Variants in FYCO1 observed in about 807,000 individuals in gnomAD.
FYCO1 encodes FYVE and coiled-coil domain-containing protein 1.
FYCO1 carries 122 observed loss-of-function variants against 165.1 expected under a neutral mutation model. The observed-to-expected ratio is 0.74, with a 90% CI of 0.64 to 0.86. The LOEUF (loss-of-function observed/expected upper bound fraction) is 0.86, where lower values mean the gene tolerates loss of function less well. Ranked by LOEUF, FYCO1 falls within the 40% of genes least tolerant of loss-of-function variation. FYCO1 has a pLI of 0.00. For synonymous variants in FYCO1, 648 were observed against 742.5 expected (o/e 0.87, Z 2.07); for missense variants, 1,702 against 1,810.3 (o/e 0.94, Z 1.09).
chr3:45,966,723 G>T lies in FYCO1; in HGVS notation c.2611C>A (p.Arg871=). The T allele has an allele frequency of 6.2e-7, 1 of 1,612,246 alleles. No individual in the cohort carries two copies. ...TGGGACAGCTCCTCCTGCAGGGCCC[G>T]CAGCTCCTCCTCCCTCTGCTGGGCC... ...DEAQQREEEL[R]ALQEELSQAK... is the part of the protein sequence containing the mutation. Residue 871 remains arginine, a synonymous_variant, in exon 8 of 18, where the codon CGG becomes AGG. Coordinates refer to ENST00000296137, the MANE Select transcript of FYCO1 (RefSeq NM_024513.4).
intron 1 of FYCO1, among the ~76,000 whole-genome samples, chr3:45,988,906 C>G (rs1314548370): frequency 6.6e-6 from 1 of 152,080 alleles, no homozygotes; most frequent in African/African-American, 2.4e-5. Context: ...GCCCAGATGC[C>G]CTAAATGCCT....
rs1705781188 is a variant in FYCO1, at chr3:45,962,802, C to A, written c.3270-410G>T. ...CTGGAGGTGGCCACACAGAGGAGGGCCTGTCTTCCACACGTCCTTGGGACT... is the reference window on the plus strand; with the variant it reads ...CTGGAGGTGGCCACACAGAGGAGGGACTGTCTTCCACACGTCCTTGGGACT... On this transcript the variant is annotated intron_variant, in intron 10 of 17. Coordinates refer to ENST00000296137, the MANE Select transcript of FYCO1 (RefSeq NM_024513.4). This position sits in a 1 kb window ranked among gnomAD's most constrained non-coding sequence, Gnocchi z 4.4. Among the ~76,000 whole-genome samples the A allele has an allele frequency of 6.6e-6, 1 of 152,046 alleles. No individual in the cohort carries two copies. The highest frequency in any genetic ancestry group is 1.5e-5 in the Non-Finnish European group (1 of 68,000).
At chr3:45,983,154 T>A (rs1707137040) in intron 2 of FYCO1, among the ~76,000 whole-genome samples, 1 of 152,224 alleles carries the variant, frequency 6.6e-6, no homozygotes, top group South Asian at 2.1e-4. Context: ...AGGAAGCAAC[T>A]GTGCGTTGGA....
chr3:45,963,987 T>C (rs902165241), intron 10 of FYCO1, among the ~76,000 whole-genome samples: 2 of 152,196 alleles, frequency 1.3e-5, no homozygotes, highest in Non-Finnish European at 1.5e-5. Flanking sequence ...GTCGGCCACG[T>C]TTTCAGCATT....
chr3:45,958,669 T>C, intron 12 of FYCO1, 50 bp from the exon 13 acceptor site: 5 of 1,577,338 alleles, frequency 3.2e-6, no homozygotes, highest in Non-Finnish European at 4.4e-6. Context: ...TATGATCTTG[T>C]GTGATCTGCT....
At chr3:45,959,288 C>T (rs1391066987) in intron 12 of FYCO1, 105 bp downstream of exon 12, 2 of 1,257,880 alleles carry the variant, frequency 1.6e-6, no homozygotes, top group African/African-American at 1.5e-5. Context: ...CCTAAATAGT[C>T]AGCCATGGTG....
At chr3:45,937,740 C>T (rs569349578) in intron 14 of FYCO1, among the ~76,000 whole-genome samples, 2 of 152,376 alleles carry the variant, frequency 1.3e-5, no homozygotes, top group South Asian at 4.1e-4. Context: ...CCACCAGGGG[C>T]ATGTCTTGTC....
rs886578319 is a variant in FYCO1, at chr3:45,918,916, G to C, written c.*2849C>G. 3.9e-5 allele frequency: 6 copies of C among 152,324 alleles called. No homozygotes were observed. Among genetic ancestry groups the C allele is most frequent in the Middle Eastern group, 3.4e-3 (1 of 294 alleles). 9.4% of individuals were successfully genotyped at this position (152,324 alleles called of 1,614,324 possible). A position where few individuals can be genotyped will look rare whatever the true frequency, so the allele number is the denominator to read the frequency against. ...GAGGACAACACTTTGTGCCAAACGT[G>C]CCTCCTTGTTTGTGGGTAAGTGAAT... On this transcript the variant is annotated 3_prime_UTR_variant, in exon 18 of 18. Transcript: ENST00000296137.
rs140655281 is a variant in FYCO1, at chr3:45,981,795, A to T, written c.56-119T>A. ...CAGTGATACAAAGCACCTCTGAAACATAAAAGGGTATGTAAGTATCCATGA... is the reference window on the plus strand; with the variant it reads ...CAGTGATACAAAGCACCTCTGAAACTTAAAAGGGTATGTAAGTATCCATGA... On this transcript the variant is annotated intron_variant, in intron 2 of 17. Transcript: ENST00000296137. The T allele has an allele frequency of 2.9e-5, 21 of 731,174 alleles. No individual in the cohort carries two copies. The East Asian group carries it at 5.0e-4, about 17-fold the overall frequency. The allele number at this position is 731,174 out of a possible 1,614,324, so 45.3% of individuals were successfully genotyped here. A position where few individuals can be genotyped will look rare whatever the true frequency, so the allele number is the denominator to read the frequency against.
In FYCO1 at chr3:45,964,142, C is replaced by T. The variant is rs886656586; in HGVS notation, c.3269+194G>A. The stretch of plus-strand genomic sequence containing the variant: ...TGAGTTAGGAGAAAGGTGCTTTAGC[C>T]GTGTATAGGTTGTGATGGGCAGGCA... On this transcript the variant is annotated intron_variant, in intron 10 of 17. Transcript: ENST00000296137. This position sits in a 1 kb window ranked among gnomAD's most constrained non-coding sequence, Gnocchi z 4.1. 1.3e-5 allele frequency among the ~76,000 whole-genome samples: 2 copies of T among 152,036 alleles called. No individual in the cohort carries two copies. The highest frequency in any genetic ancestry group is 6.5e-5 in the Admixed American group (1 of 15,274).
At position 45,966,577 on chromosome 3, in the gene FYCO1, C is replaced by G. The variant is rs1305892192; in HGVS notation, c.2757G>C (p.Lys919Asn). Residue 919 changes from lysine to asparagine, a missense_variant, in exon 8 of 18, where the codon AAG (lysine) becomes AAC (asparagine). Lys to Asn is a moderately conservative substitution (Grantham distance 94). Coordinates refer to ENST00000296137, the MANE Select transcript of FYCO1 (RefSeq NM_024513.4). Reference protein sequence around the residue: ...GIQVCALTVEKERVEEALACA... With the variant: ...GIQVCALTVENERVEEALACA... ...AGGCCAGTGCCTCCTCCACTCGCTC[C>G]TTTTCCACGGTCAGTGCGCAAACCT... is the stretch of plus-strand genomic sequence containing the variant. 1 of 1,614,232 alleles carries G rather than the reference C, an allele frequency of 6.2e-7. No homozygotes were observed. The highest frequency in any genetic ancestry group is 2.2e-5 in the East Asian group (1 of 44,882).
intron 7 of FYCO1, among the ~76,000 whole-genome samples, chr3:45,969,353 A>C (rs566803996): frequency 1.3e-5 from 2 of 152,352 alleles, no homozygotes; most frequent in African/African-American, 4.8e-5. Flanking sequence ...TGTGGATGAG[A>C]GAGCTGAAGG....
rs970749721 is a variant in FYCO1, at chr3:45,919,104, A to G, written c.*2661T>C. On this transcript the variant is annotated 3_prime_UTR_variant, in exon 18 of 18. Coordinates refer to ENST00000296137, the MANE Select transcript of FYCO1 (RefSeq NM_024513.4). ...AAAAAAAGAGTGATCTGGGATCCCAAGGACGCTTCCTTCTGGCTGATTTCT... is the reference window on the plus strand; with the variant it reads ...AAAAAAAGAGTGATCTGGGATCCCAGGGACGCTTCCTTCTGGCTGATTTCT... 21 of 150,058 alleles carry G rather than the reference A, an allele frequency of 1.4e-4. 1 individual carries two copies. The highest frequency in any genetic ancestry group is 1.3e-3 in the Admixed American group (19 of 15,026). The allele number at this position is 150,058 out of a possible 1,614,324, so 9.3% of individuals were successfully genotyped here.
chr3:45,946,898 C>G, intron 14 of FYCO1: 1 of 1,614,246 alleles, frequency 6.2e-7, no homozygotes, highest in African/African-American at 1.3e-5. Context: ...AGGCCTACAA[C>G]CAGCAAGCCA....
At chr3:45,985,366 A>G (rs1707259713) in intron 1 of FYCO1, among the ~76,000 whole-genome samples, 1 of 152,196 alleles carries the variant, frequency 6.6e-6, no homozygotes, top group Non-Finnish European at 1.5e-5. Context: ...CTTATACCAA[A>G]GGCTACACGG....
At chr3:45,949,485 A>G (rs1352301459) in intron 14 of FYCO1, among the ~76,000 whole-genome samples, 2 of 152,188 alleles carry the variant, frequency 1.3e-5, no homozygotes, top group African/African-American at 4.8e-5. Context: ...GAGATGCAGA[A>G]AGGTGTGATG....
At chr3:45,938,451 C>T (rs991778497) in intron 14 of FYCO1, among the ~76,000 whole-genome samples, 5 of 152,184 alleles carry the variant, frequency 3.3e-5, no homozygotes, top group African/African-American at 1.2e-4. Flanking sequence ...TAGTATATTG[C>T]ATGTTGTGAG....
chr3:45,995,284 C>T (rs1384422758), intron 1 of FYCO1, among the ~76,000 whole-genome samples: 2 of 152,224 alleles, frequency 1.3e-5, no homozygotes, highest in Non-Finnish European at 1.5e-5. Context: ...CGGAGTCTTG[C>T]AAAGTGAAGG....
chr3:45,990,647 C>G (rs754596197), intron 1 of FYCO1, among the ~76,000 whole-genome samples: 2 of 152,204 alleles, frequency 1.3e-5, no homozygotes, highest in Non-Finnish European at 2.9e-5. Flanking sequence ...CAATAAATTA[C>G]TGCTGAATGA....
Sources: allele counts gnomAD v4.1 joint callset (sites outside exome capture counted in the v4.1 genomes callset), GRCh38; gene constraint gnomAD v4.1.1; non-coding constraint Gnocchi (gnomAD v3.1); transcripts MANE v1.5; gene names NCBI Gene and HGNC (gene_info 2026-07-23, HGNC 2026-07-21).